BCHE: variants seen among roughly 807,000 people sequenced by gnomAD.
The protein encoded by BCHE is butyrylcholinesterase, also known as cholinesterase.
In BCHE, 48 loss-of-function variants were observed where a neutral mutation model predicts 51.3. That is an observed-to-expected ratio of 0.94 (90% confidence interval 0.74 to 1.19). The LOEUF (loss-of-function observed/expected upper bound fraction) is 1.19, where lower values mean the gene tolerates loss of function less well. Among genes scored for constraint, BCHE ranks in the 50% most tolerant of loss-of-function variants. The pLI, the probability that BCHE is intolerant of heterozygous loss-of-function variation, is 0.00. For synonymous variants in BCHE, 251 were observed against 238.0 expected, an observed-to-expected ratio of 1.05 and a Z score of -0.50; for missense variants, 847 against 708.2, an observed-to-expected ratio of 1.20 and a Z score of -2.23.
intron 2 of BCHE, among the ~76,000 whole-genome samples, chr3:165,807,735 A>T (rs1713921762): frequency 6.7e-6 from 1 of 150,326 alleles, no homozygotes; most frequent in Non-Finnish European, 1.5e-5. Context: ...TTTTTTGTAC[A>T]ATATTTTTAG....
At chr3:165,788,097 A>G (rs1713024820) in intron 2 of BCHE, among the ~76,000 whole-genome samples, 1 of 123,148 alleles carries the variant, frequency 8.1e-6, no homozygotes, top group Admixed American at 9.2e-5. Context: ...ATTTTGGAGT[A>G]GTATGAGCCG....
At chr3:165,779,172 G>T (rs146649278) in intron 3 of BCHE, among the ~76,000 whole-genome samples, 217 of 152,162 alleles carry the variant, frequency 1.4e-3, no homozygotes, top group Non-Finnish European at 2.6e-3. Context: ...TGTAGGAAAA[G>T]AAACTGTTTG....
intron 3 of BCHE, among the ~76,000 whole-genome samples, chr3:165,774,741 C>T (rs1712401009): frequency 6.6e-6 from 1 of 152,084 alleles, no homozygotes. Flanking sequence ...TCAGATAATT[C>T]CTGCTTTCAA....
chr3:165,798,042 C>T (rs1011621933), intron 2 of BCHE, among the ~76,000 whole-genome samples: 1 of 152,152 alleles, frequency 6.6e-6, no homozygotes, highest in Non-Finnish European at 1.5e-5. Flanking sequence ...CTAATCACCT[C>T]CATTAGACTT....
intron 3 of BCHE, among the ~76,000 whole-genome samples, chr3:165,783,613 T>C (rs140101198): frequency 1.7e-3 from 265 of 152,208 alleles, no homozygotes; most frequent in African/African-American, 6.2e-3. Flanking sequence ...TTGGCAAGCA[T>C]GATTTATTCA....
At chr3:165,826,361 C>G (rs923849038) in intron 2 of BCHE, among the ~76,000 whole-genome samples, 1 of 152,014 alleles carries the variant, frequency 6.6e-6, no homozygotes, top group Non-Finnish European at 1.5e-5. Context: ...AATTGCAATT[C>G]TATTATGCTG....
rs897804269 is a variant in BCHE at position 165,830,590 on chromosome 3, A to G, written c.444T>C (p.Thr148=). 3.7e-6 allele frequency: 6 copies of G among 1,613,906 alleles called. No individual in the cohort carries two copies. The highest frequency in any genetic ancestry group is 5.1e-6 in the Non-Finnish European group (6 of 1,179,958). The change falls in exon 2 of 4, where the codon ACT becomes ACC. Residue 148 remains threonine, a synonymous_variant. Transcript: ENST00000264381. ...LIWIYGGGFQ[T]GTSSLHVYDG... ...CATAAACATGTAAAGATGATGTTCC[A>G]GTTTGAAAACCACCACCATAAATCC...
intron 2 of BCHE, among the ~76,000 whole-genome samples, chr3:165,787,058 G>T (rs60444765): frequency 0.036 from 5,448 of 151,430 alleles, 348 homozygotes; most frequent in African/African-American, 0.12. Context: ...TGTTACTTTT[G>T]CTTGGAATTC....
At chr3:165,817,858 A>G (rs891385422) in intron 2 of BCHE, among the ~76,000 whole-genome samples, 5 of 152,094 alleles carry the variant, frequency 3.3e-5, no homozygotes, top group African/African-American at 1.2e-4. Flanking sequence ...ATAACAAAGC[A>G]AATAAAAAAC....
At chr3:165,823,863 T>G (rs1045275903) in intron 2 of BCHE, among the ~76,000 whole-genome samples, 2 of 151,424 alleles carry the variant, frequency 1.3e-5, no homozygotes, top group African/African-American at 4.9e-5. Context: ...GCTCAAGTGA[T>G]CCTCCTGCCT....
intron 3 of BCHE, among the ~76,000 whole-genome samples, chr3:165,776,887 A>G (rs1475321484): frequency 6.6e-6 from 1 of 151,816 alleles, no homozygotes; most frequent in Non-Finnish European, 1.5e-5. Flanking sequence ...CTTAATTCAT[A>G]ATATCAACAA....
intron 1 of BCHE, among the ~76,000 whole-genome samples, chr3:165,831,896 T>C (rs1183595727): frequency 6.6e-6 from 1 of 152,206 alleles, no homozygotes; most frequent in East Asian, 1.9e-4. Flanking sequence ...AGGAATTTTA[T>C]ACTCAGTATT....
chr3:165,821,454 G>A (rs1039406128), intron 2 of BCHE, among the ~76,000 whole-genome samples: 1 of 150,758 alleles, frequency 6.6e-6, no homozygotes, highest in Non-Finnish European at 1.5e-5. Flanking sequence ...AAGAGAGAGA[G>A]AGCGCACCAA....
intron 2 of BCHE, among the ~76,000 whole-genome samples, chr3:165,813,157 T>G (rs2108223244): frequency 6.6e-6 from 1 of 151,990 alleles, no homozygotes; most frequent in South Asian, 2.1e-4. Flanking sequence ...AAAATTATAA[T>G]AAACAGTGCT....
At position 165,830,631 on chromosome 3, in the gene BCHE, C is replaced by A. The variant is rs780960236; in HGVS notation, c.403G>T (p.Ala135Ser). 6.2e-7 allele frequency: 1 copy of A among 1,613,994 alleles called. No homozygotes were observed. Among genetic ancestry groups the A allele is most frequent in the Non-Finnish European group, 8.5e-7 (1 of 1,179,958 alleles). The stretch of plus-strand genomic sequence containing the variant: ...CCATAAATCCATATCAATACAGTGG[C>A]ATTTTTTGGTTTAGGTGCTGGAATC... ...VWIPAPKPKN[A>S]TVLIWIYGGG... The change falls in exon 2 of 4, where the codon GCC becomes TCC. Residue 135 changes from alanine to serine, a missense_variant. Coordinates refer to ENST00000264381, the MANE Select transcript of BCHE (RefSeq NM_000055.4).
At chr3:165,831,179 C>T in intron 1 of BCHE, 138 bp from the exon 2 acceptor site, 1 of 701,904 alleles carries the variant, frequency 1.4e-6, no homozygotes, top group East Asian at 2.8e-5. Context: ...TCTGTAAAGG[C>T]CTACATAGGA....
intron 2 of BCHE, among the ~76,000 whole-genome samples, chr3:165,786,597 TC>T (rs1712964219): frequency 6.6e-6 from 1 of 151,810 alleles, no homozygotes; most frequent in African/African-American, 2.4e-5. Flanking sequence ...ATAAAATATA[TC>T]TTCATTCACA....
In BCHE at chr3:165,786,128, A is replaced by C; in HGVS notation, c.1684+17T>G. 1 of 1,608,270 alleles carries C rather than the reference A, an allele frequency of 6.2e-7. No homozygotes were observed. Among genetic ancestry groups the C allele is most frequent in the Non-Finnish European group, 8.5e-7 (1 of 1,175,506 alleles). ...CCCATCATCTATTAAATAACCAAAC[A>C]CTAAAAACAGACACACCTGTCATTT... is the stretch of plus-strand genomic sequence containing the variant. On this transcript the variant is annotated intron_variant, in intron 3 of 3. Transcript: ENST00000264381.
At chr3:165,799,926 A>T (rs145995231) in intron 2 of BCHE, among the ~76,000 whole-genome samples, 265 of 152,154 alleles carry the variant, frequency 1.7e-3, no homozygotes, top group African/African-American at 6.2e-3. Context: ...TATTTTACTG[A>T]TCATTAGTAA....
Sources: allele counts gnomAD v4.1 joint callset (sites outside exome capture counted in the v4.1 genomes callset), GRCh38; gene constraint gnomAD v4.1.1; transcripts MANE v1.5; gene names NCBI Gene and HGNC (gene_info 2026-07-23, HGNC 2026-07-21).